Variants in CNTRL observed in about 807,000 individuals in gnomAD.
CNTRL encodes centriolin.
In CNTRL, 233 loss-of-function variants were observed where a neutral mutation model predicts 303.7. The ratio of observed to expected loss-of-function variants is 0.77; its 90% CI spans 0.69 to 0.86. The LOEUF is 0.86. Ranked by LOEUF, CNTRL falls within the 40% of genes least tolerant of loss-of-function variation. The probability of loss-of-function intolerance (pLI) is 0.00; values close to 1 mark genes in which losing one functional copy is unlikely to be tolerated. For missense variants in CNTRL, 2,524 were observed against 2,650.6 expected (o/e 0.95, Z 1.05); for synonymous variants, 900 against 922.2 (o/e 0.98, Z 0.44).
chr9:121,127,684 C>T (rs144767976), intron 14 of CNTRL, among the ~76,000 whole-genome samples: 10 of 151,726 alleles, frequency 6.6e-5, no homozygotes, highest in Admixed American at 2.0e-4. Context: ...ACTTTAAGTT[C>T]TAGGGTACAT....
intron 1 of CNTRL, among the ~76,000 whole-genome samples, chr9:121,079,493 C>T (rs7868011): frequency 1.6e-4 from 25 of 152,056 alleles, no homozygotes; most frequent in Non-Finnish European, 2.8e-4. Flanking sequence ...CATAGTGAAA[C>T]GCTGCCTCCA....
At chr9:121,105,114 C>T (rs768956574) in intron 7 of CNTRL, among the ~76,000 whole-genome samples, 4 of 152,140 alleles carry the variant, frequency 2.6e-5, no homozygotes, top group Non-Finnish European at 5.9e-5. Flanking sequence ...AGGAGGCTAG[C>T]GTAGCAATCT....
chr9:121,161,138 GTGTGTGTGCGCGCGTGCTCACGCGCACA>G (rs2052829570), intron 32 of CNTRL: 1 of 378,704 alleles, frequency 2.6e-6, no homozygotes, highest in African/African-American at 2.1e-5. Context: ...GTGAGAGTGT[GTGTGTGTGCGCGCGTGCTCACGCGCACA>G]CACATGCATT....
chr9:121,145,240 A>G lies in CNTRL; in HGVS notation c.3169-4A>G, dbSNP rs761996299. 4 of 1,598,572 alleles carry G rather than the reference A, an allele frequency of 2.5e-6. No homozygotes were observed. The highest frequency in any genetic ancestry group is 2.3e-5 in the South Asian group (2 of 87,692). On this transcript the variant is annotated splice_polypyrimidine_tract_variant and splice_region_variant and intron_variant, in intron 21 of 43. Coordinates refer to ENST00000373855, the MANE Select transcript of CNTRL (RefSeq NM_007018.6). ...AACTTTGTATGTGTAATTTTTTTAAATAGTTTCGACTTGAGATGGAGAAAA... is the reference window on the plus strand; with the variant it reads ...AACTTTGTATGTGTAATTTTTTTAAGTAGTTTCGACTTGAGATGGAGAAAA...
intron 43 of CNTRL, among the ~76,000 whole-genome samples, chr9:121,175,580 C>T (rs887603580): frequency 2.0e-5 from 3 of 152,078 alleles, no homozygotes; most frequent in Non-Finnish European, 2.9e-5. Context: ...AGAGGAAACT[C>T]GTAAGATAGG....
intron 10 of CNTRL, 49 bp from the exon 11 acceptor site, chr9:121,115,042 A>G (rs1203559822): frequency 8.6e-7 from 1 of 1,161,774 alleles, no homozygotes; most frequent in Non-Finnish European, 1.2e-6. Flanking sequence ...TTCAGAATTC[A>G]AGATTTTTCT....
chr9:121,164,841 T>A (rs1011893418), intron 34 of CNTRL, 102 bp from the exon 35 acceptor site: 5 of 797,682 alleles, frequency 6.3e-6, no homozygotes, highest in Admixed American at 7.3e-5. Flanking sequence ...TATAATCATT[T>A]ATACTTTCCA....
chr9:121,144,872 A>G lies in CNTRL; in HGVS notation c.3081A>G (p.Arg1027=). The change falls in exon 21 of 44, where the codon AGA becomes AGG. Residue 1027 remains arginine, a synonymous_variant. Transcript: ENST00000373855. ...EELQEAERFS[R]KAAQAARDLT... ...TGCAGGAAGCAGAGAGGTTCAGCAG[A>G]AAGGCAGCACAAGCAGCCAGAGATC... The G allele has an allele frequency of 6.2e-7, 1 of 1,613,410 alleles. No homozygotes were observed. Among genetic ancestry groups the G allele is most frequent in the Non-Finnish European group, 8.5e-7 (1 of 1,179,928 alleles).
rs1204963809 is a variant in CNTRL at position 121,165,089 on chromosome 9, A to G, written c.5570A>G (p.Gln1857Arg). The G allele has an allele frequency of 9.4e-6, 15 of 1,588,788 alleles. No homozygotes were observed. The highest frequency in any genetic ancestry group is 1.3e-5 in the Non-Finnish European group (15 of 1,169,850). Residue 1857 changes from glutamine to arginine, a missense_variant, in exon 35 of 44, where the codon CAG (glutamine) becomes CGG (arginine). Transcript: ENST00000373855. ...SLHNDISAMQQQLQEKREAVN... is the reference protein window; with the variant it reads ...SLHNDISAMQRQLQEKREAVN... ...CATAACGACATTTCAGCAATGCAAC[A>G]GCAGCTCCAAGGTATAAGGCAGCAA...
rs1470090850 is a variant in CNTRL at position 121,113,685 on chromosome 9, G to C, written c.1306G>C (p.Asp436His). 1 of 1,560,206 alleles carries C rather than the reference G, an allele frequency of 6.4e-7. No homozygotes were observed. Among genetic ancestry groups the C allele is most frequent in the South Asian group, 1.2e-5 (1 of 80,456 alleles). Residue 436 changes from aspartate (D) to histidine (H), a missense_variant, in exon 10 of 44, where the codon GAC (aspartate) becomes CAC (histidine). Transcript: ENST00000373855. ...HMNLRGHTPL[D>H]TQLEDKEKKI... ...GAACTTGAGAGGCCACACACCACTGGACACGCAACTGGAAGACAAAGAAAA... is the reference window on the plus strand; with the variant it reads ...GAACTTGAGAGGCCACACACCACTGCACACGCAACTGGAAGACAAAGAAAA...
At chr9:121,160,478 C>T (rs1223785155) in intron 32 of CNTRL, among the ~76,000 whole-genome samples, 176 bp downstream of exon 32, 1 of 152,158 alleles carries the variant, frequency 6.6e-6, no homozygotes, top group Non-Finnish European at 1.5e-5. Flanking sequence ...AATTGATAAA[C>T]TTTATTTAAA....
chr9:121,096,538 A>G lies in CNTRL; in HGVS notation c.596A>G (p.Asn199Ser), dbSNP rs371781285. 2.0e-6 allele frequency: 3 copies of G among 1,485,758 alleles called. No individual in the cohort carries two copies. Among genetic ancestry groups the G allele is most frequent in the African/African-American group, 1.4e-5 (1 of 71,872 alleles). The allele number at this position is 1,485,758 out of a possible 1,614,324, so 92.0% of individuals were successfully genotyped here. ...GKKLKSLRVLNLKGNKISSLQ... is the reference protein window; with the variant it reads ...GKKLKSLRVLSLKGNKISSLQ... ...AAGTTAAAATCTTTGCGAGTCCTCAATTTGAAAGGCAACAAGATATCATCG... is the reference window on the plus strand; with the variant it reads ...AAGTTAAAATCTTTGCGAGTCCTCAGTTTGAAAGGCAACAAGATATCATCG... The change falls in exon 6 of 44, where the codon AAT becomes AGT. Residue 199 changes from asparagine (N) to serine (S), a missense_variant. By Grantham distance (46) the Asn-to-Ser change is conservative. Coordinates refer to ENST00000373855, the MANE Select transcript of CNTRL (RefSeq NM_007018.6).
At chr9:121,101,323 G>A (rs900614660) in intron 7 of CNTRL, among the ~76,000 whole-genome samples, 1 of 152,160 alleles carries the variant, frequency 6.6e-6, no homozygotes, top group Non-Finnish European at 1.5e-5. Context: ...TGAAATGAAG[G>A]CAGAAATAAA....
chr9:121,126,559 A>G (rs187902277), intron 14 of CNTRL, among the ~76,000 whole-genome samples: 40 of 152,336 alleles, frequency 2.6e-4, no homozygotes, highest in Admixed American at 1.6e-3. Context: ...CACAAATAAT[A>G]TTTAACATCA....
intron 2 of CNTRL, among the ~76,000 whole-genome samples, chr9:121,087,591 C>G (rs757184498): frequency 1.3e-5 from 2 of 151,716 alleles, no homozygotes; most frequent in Non-Finnish European, 2.9e-5. Flanking sequence ...CTCGGGAGGT[C>G]GAGGCAGAAG....
chr9:121,124,134 A>G, intron 13 of CNTRL, 50 bp downstream of exon 13: 1 of 1,474,304 alleles, frequency 6.8e-7, no homozygotes, highest in Non-Finnish European at 9.2e-7. Flanking sequence ...TGCTGGTAAA[A>G]GAAACATTAT....
intron 4 of CNTRL, among the ~76,000 whole-genome samples, chr9:121,093,372 C>G (rs567463263): frequency 3.3e-5 from 5 of 152,226 alleles, no homozygotes; most frequent in African/African-American, 7.2e-5. Context: ...GAGCACTGAC[C>G]TGATGCTCAA....
intron 13 of CNTRL, among the ~76,000 whole-genome samples, chr9:121,124,978 A>T (rs2050432856): frequency 6.6e-6 from 1 of 151,456 alleles, no homozygotes; most frequent in Admixed American, 6.6e-5. Flanking sequence ...TAGTGTTCAT[A>T]AAGTTCCTGG....
chr9:121,169,518 A>G, intron 38 of CNTRL, 93 bp from the exon 39 acceptor site: 3 of 1,209,986 alleles, frequency 2.5e-6, no homozygotes, highest in Admixed American at 1.8e-5. Flanking sequence ...TGGGTAGCAT[A>G]TCACCATTAT....
Sources: gnomAD v4.1 joint callset for allele counts (sites outside exome capture counted in the v4.1 genomes callset) on GRCh38, gnomAD v4.1.1 for gene constraint, MANE v1.5 for transcripts, NCBI Gene and HGNC (gene_info 2026-07-23, HGNC 2026-07-21) for gene names.